Variants in ASTN2 observed in about 807,000 individuals in gnomAD.
ASTN2 encodes astrotactin-2.
Under a neutral mutation model 139.8 loss-of-function variants are expected in ASTN2, and 54 were observed. That is an observed-to-expected ratio of 0.39 (90% CI 0.31 to 0.48). The LOEUF is 0.48. Ranked by LOEUF, ASTN2 falls within the 20% of genes least tolerant of loss-of-function variation. ASTN2 has a pLI of 0.95. For synonymous variants in ASTN2, 756 were observed against 719.5 expected, an observed-to-expected ratio of 1.05 and a Z score of -0.81; for missense variants, 1,565 against 1,725.1, an observed-to-expected ratio of 0.91 and a Z score of 1.64.
At chr9:116,714,376 C>T (rs1289491851) in intron 16 of ASTN2, among the ~76,000 whole-genome samples, 1 of 152,112 alleles carries the variant, frequency 6.6e-6, no homozygotes, top group African/African-American at 2.4e-5. Context: ...AAGGCTGTAT[C>T]ATTATGCCTT....
At chr9:117,202,732 G>A (rs1178985699) in intron 3 of ASTN2, among the ~76,000 whole-genome samples, 1 of 152,162 alleles carries the variant, frequency 6.6e-6, no homozygotes, top group Non-Finnish European at 1.5e-5. Flanking sequence ...TCCCTTTGTA[G>A]GTGACCTGGC....
chr9:116,891,451 C>A (rs1341123929), intron 10 of ASTN2, among the ~76,000 whole-genome samples: 2 of 152,208 alleles, frequency 1.3e-5, no homozygotes, highest in African/African-American at 4.8e-5. Context: ...AAGCAGTGAG[C>A]TAGGCACTTA....
At chr9:116,833,661 T>G (rs1831890754) in intron 11 of ASTN2, among the ~76,000 whole-genome samples, 1 of 152,226 alleles carries the variant, frequency 6.6e-6, no homozygotes, top group Non-Finnish European at 1.5e-5. Context: ...TAATTTCCCT[T>G]GAGACTTCTT....
chr9:117,212,047 G>A (rs994688752), intron 3 of ASTN2, among the ~76,000 whole-genome samples: 6 of 152,086 alleles, frequency 3.9e-5, no homozygotes, highest in African/African-American at 1.4e-4. Flanking sequence ...AATGCAGTAT[G>A]GTACTGGCAT....
chr9:117,149,812 A>C (rs988289737), intron 3 of ASTN2, among the ~76,000 whole-genome samples: 2 of 152,194 alleles, frequency 1.3e-5, no homozygotes, highest in African/African-American at 4.8e-5. Context: ...ATTTTTAAAA[A>C]ATGGCTCCCT....
intron 1 of ASTN2, among the ~76,000 whole-genome samples, chr9:117,406,090 T>C (rs2130970733): frequency 6.6e-6 from 1 of 152,302 alleles, no homozygotes; most frequent in Non-Finnish European, 1.5e-5. Flanking sequence ...TCTAGTTCTC[T>C]AAGATCTCCT....
At chr9:116,556,292 G>A (rs572713988) in intron 19 of ASTN2, among the ~76,000 whole-genome samples, 4 of 152,240 alleles carry the variant, frequency 2.6e-5, no homozygotes, top group African/African-American at 7.2e-5. Context: ...CAAAAGTTGG[G>A]GTGGAGGAGA....
At chr9:116,842,485 C>T (rs1256868465) in intron 11 of ASTN2, among the ~76,000 whole-genome samples, 2 of 152,048 alleles carry the variant, frequency 1.3e-5, no homozygotes, top group African/African-American at 4.8e-5. Context: ...CTTCTCATCC[C>T]AGGAGAGCTC....
intron 3 of ASTN2, among the ~76,000 whole-genome samples, chr9:117,186,376 C>T (rs1831198624): frequency 1.0e-5 from 1 of 98,174 alleles, no homozygotes; most frequent in Non-Finnish European, 2.3e-5. Context: ...GAAAACCCGT[C>T]TCTACTAAAA....
At chr9:117,302,572 G>A (rs575503258) in intron 1 of ASTN2, among the ~76,000 whole-genome samples, 1 of 152,244 alleles carries the variant, frequency 6.6e-6, no homozygotes, top group African/African-American at 2.4e-5. Context: ...GGCATCTTAA[G>A]TCTCTGTTTC....
intron 12 of ASTN2, among the ~76,000 whole-genome samples, chr9:116,814,238 G>A (rs1831249621): frequency 6.6e-6 from 1 of 152,110 alleles, no homozygotes; most frequent in Non-Finnish European, 1.5e-5. Flanking sequence ...ATCAGGGCTA[G>A]AACCAGCACC....
At chr9:117,303,276 C>A (rs966680466) in intron 1 of ASTN2, among the ~76,000 whole-genome samples, 1 of 152,070 alleles carries the variant, frequency 6.6e-6, no homozygotes, top group Admixed American at 6.6e-5. Context: ...TTGACTGATA[C>A]AAGATTAAAA....
chr9:116,948,996 G>A (rs1835483972), intron 10 of ASTN2, among the ~76,000 whole-genome samples: 1 of 151,518 alleles, frequency 6.6e-6, no homozygotes, highest in Non-Finnish European at 1.5e-5. Context: ...TCACCATGTT[G>A]GTCAGGCTGC....
At chr9:117,228,487 G>C (rs902088818) in intron 2 of ASTN2, among the ~76,000 whole-genome samples, 1 of 151,994 alleles carries the variant, frequency 6.6e-6, no homozygotes, top group Admixed American at 6.6e-5. Context: ...CTCCCCTACC[G>C]GGCTAGATCA....
At position 116,698,967 on chromosome 9, in the gene ASTN2, C is replaced by T. The variant is rs765158423; in HGVS notation, c.2806+26804G>A. On this transcript the variant is annotated intron_variant, in intron 16 of 22. Transcript: ENST00000313400. The surrounding 1 kb of genome is among the most constrained non-coding windows in gnomAD (Gnocchi z 4.4). ...CAAAGGCTTTTTGAAGGAAATCCGC[C>T]GCAGCCCCAGTGGCATTGATAGCTT... 8.7e-6 allele frequency: 14 copies of T among 1,614,052 alleles called. No individual in the cohort carries two copies. Among genetic ancestry groups the T allele is most frequent in the South Asian group, 3.3e-5 (3 of 91,086 alleles).
chr9:117,295,247 G>A (rs1446828407), intron 1 of ASTN2, among the ~76,000 whole-genome samples: 5 of 152,030 alleles, frequency 3.3e-5, no homozygotes, highest in African/African-American at 9.7e-5. Context: ...GCTTGAACTC[G>A]GAAAGTGGAG....
chr9:116,557,223 CAAAAAAAAAAAAA>C (rs60756690), intron 19 of ASTN2, among the ~76,000 whole-genome samples: 37 of 53,600 alleles, frequency 6.9e-4, no homozygotes, highest in East Asian at 2.4e-3. Context: ...GACTCTGTCT[CAAAAAAAAAAAAA>C]AAAAAAAAAA....
At chr9:116,893,363 G>T (rs1204370243) in intron 10 of ASTN2, among the ~76,000 whole-genome samples, 1 of 152,126 alleles carries the variant, frequency 6.6e-6, no homozygotes, top group Non-Finnish European at 1.5e-5. Flanking sequence ...TTTGGTTGTT[G>T]GAAGTTTTTC....
At chr9:117,093,671 C>T (rs370498799) in intron 5 of ASTN2, among the ~76,000 whole-genome samples, 27 of 152,132 alleles carry the variant, frequency 1.8e-4, no homozygotes, top group East Asian at 5.8e-4. Flanking sequence ...TGAAGAATTG[C>T]GGGACTTGCA....
Sources: gnomAD v4.1 joint callset for allele counts (sites outside exome capture counted in the v4.1 genomes callset) on GRCh38, gnomAD v4.1.1 for gene constraint, Gnocchi (gnomAD v3.1) non-coding constraint, MANE v1.5 for transcripts, NCBI Gene and HGNC (gene_info 2026-07-23, HGNC 2026-07-21) for gene names.